BABAM2: variants seen among roughly 807,000 people sequenced by gnomAD.
BABAM2 encodes BRISC and BRCA1 A complex member 2.
A neutral mutation model predicts 54.7 loss-of-function variants in BABAM2; 31 were observed. The observed-to-expected ratio is 0.57, with a 90% CI of 0.43 to 0.77. The LOEUF (loss-of-function observed/expected upper bound fraction) is 0.77, where lower values mean the gene tolerates loss of function less well. Ranked by LOEUF, BABAM2 falls within the 30% of genes least tolerant of loss-of-function variation. BABAM2 has a pLI of 0.00. For missense variants in BABAM2, 364 were observed against 455.8 expected, an observed-to-expected ratio of 0.80 and a Z score of 1.83; for synonymous variants, 167 against 162.9, an observed-to-expected ratio of 1.03 and a Z score of -0.19.
intron 7 of BABAM2, among the ~76,000 whole-genome samples, chr2:28,234,166 A>G (rs1040885495): frequency 6.6e-6 from 1 of 152,170 alleles, no homozygotes; most frequent in Non-Finnish European, 1.5e-5. Flanking sequence ...GTGTGAACCT[A>G]GGCAGTATTT....
chr2:28,332,199 G>C (rs978669463), intron 11 of BABAM2, among the ~76,000 whole-genome samples: 3 of 152,168 alleles, frequency 2.0e-5, no homozygotes, highest in Non-Finnish European at 2.9e-5. Flanking sequence ...TGCCTGCAGG[G>C]CTTAATACGT....
chr2:27,989,211 A>T (rs1012079308), intron 4 of BABAM2, among the ~76,000 whole-genome samples: 1 of 152,084 alleles, frequency 6.6e-6, no homozygotes, highest in Non-Finnish European at 1.5e-5. Context: ...TGGAAAAAAA[A>T]ATGACACAGA....
At chr2:28,212,176 A>C (rs1679523550) in intron 7 of BABAM2, among the ~76,000 whole-genome samples, 1 of 152,222 alleles carries the variant, frequency 6.6e-6, no homozygotes, top group Non-Finnish European at 1.5e-5. Context: ...GAATAGCTTG[A>C]GATATTTGCA....
chr2:28,036,275 C>A (rs1459568891), intron 5 of BABAM2, among the ~76,000 whole-genome samples: 2 of 152,168 alleles, frequency 1.3e-5, no homozygotes, highest in Non-Finnish European at 2.9e-5. Context: ...TTCAAGTATT[C>A]TGTACGAAAA....
At chr2:28,284,709 A>G (rs1050614734) in intron 10 of BABAM2, among the ~76,000 whole-genome samples, 27 of 152,218 alleles carry the variant, frequency 1.8e-4, no homozygotes, top group Non-Finnish European at 2.6e-4. Flanking sequence ...ATAGATGGAC[A>G]AAACTAAGTT....
intron 11 of BABAM2, among the ~76,000 whole-genome samples, chr2:28,336,519 C>G (rs569135684): frequency 6.6e-6 from 1 of 152,226 alleles, no homozygotes; most frequent in Admixed American, 6.5e-5. Context: ...CTCTGTGTGA[C>G]CCCAAGGATG....
At chr2:28,335,697 G>A (rs1691387923) in intron 11 of BABAM2, among the ~76,000 whole-genome samples, 1 of 152,246 alleles carries the variant, frequency 6.6e-6, no homozygotes, top group African/African-American at 2.4e-5. Flanking sequence ...ACAGTGTGCA[G>A]GGAGATGACC....
At chr2:27,927,818 A>C (rs1341338942) in intron 2 of BABAM2, among the ~76,000 whole-genome samples, 1 of 149,278 alleles carries the variant, frequency 6.7e-6, no homozygotes. Flanking sequence ...TATGTTAAAC[A>C]TACCCTTGTT....
chr2:28,014,704 C>G (rs926068408), intron 4 of BABAM2, among the ~76,000 whole-genome samples: 4 of 144,396 alleles, frequency 2.8e-5, no homozygotes, highest in African/African-American at 1.0e-4. Flanking sequence ...CTGCATTTTA[C>G]ATGCTAAATA....
At chr2:27,951,990 A>G (rs1669763833) in intron 3 of BABAM2, among the ~76,000 whole-genome samples, 1 of 152,348 alleles carries the variant, frequency 6.6e-6, no homozygotes, top group Non-Finnish European at 1.5e-5. Context: ...GAAATCACAA[A>G]CTATAATTGT....
At chr2:28,031,397 GA>G (rs781509743) in intron 5 of BABAM2, among the ~76,000 whole-genome samples, 2 of 152,084 alleles carry the variant, frequency 1.3e-5, no homozygotes, top group Non-Finnish European at 2.9e-5. Flanking sequence ...TGCTAGCACA[GA>G]GCTTGAAAAG....
At chr2:28,108,463 T>A (rs1667719693) in intron 6 of BABAM2, among the ~76,000 whole-genome samples, 4 of 152,220 alleles carry the variant, frequency 2.6e-5, no homozygotes. Context: ...AATTGGTCTA[T>A]CTTAAACCTG....
At chr2:28,286,562 T>C (rs1686837780) in intron 10 of BABAM2, among the ~76,000 whole-genome samples, 1 of 152,170 alleles carries the variant, frequency 6.6e-6, no homozygotes, top group South Asian at 2.1e-4. Context: ...CTTAATACTT[T>C]TCCCTCTGCC....
chr2:28,249,325 G>T lies in BABAM2; in HGVS notation c.934+4463G>T, dbSNP rs72857105. On this transcript the variant is annotated intron_variant, in intron 10 of 11. Coordinates refer to ENST00000379624, the MANE Select transcript of BABAM2 (RefSeq NM_199191.3). ...GCTGATCTTGAACTCCTGGCCTCAA[G>T]CAATCTACCCGCCTAGGCCTCCCAA... 8.3e-3 allele frequency among the ~76,000 whole-genome samples: 1,261 copies of T among 152,150 alleles called. 10 individuals carry two copies. Among genetic ancestry groups the T allele is most frequent in the African/African-American group, 0.028 (1,179 of 41,508 alleles).
At chr2:28,280,646 C>T (rs967877253) in intron 10 of BABAM2, among the ~76,000 whole-genome samples, 10 of 152,328 alleles carry the variant, frequency 6.6e-5, no homozygotes, top group African/African-American at 2.2e-4. Flanking sequence ...TCACACATCC[C>T]TCCTCCTGAT....
intron 4 of BABAM2, among the ~76,000 whole-genome samples, chr2:27,988,295 A>T (rs1251286696): frequency 6.6e-6 from 1 of 152,092 alleles, no homozygotes; most frequent in East Asian, 1.9e-4. Context: ...GTTTCAGGGT[A>T]TTTCGAATTA....
chr2:28,216,839 TTC>T (rs1351515243), intron 7 of BABAM2, among the ~76,000 whole-genome samples: 2 of 152,184 alleles, frequency 1.3e-5, no homozygotes, highest in Non-Finnish European at 2.9e-5. Flanking sequence ...TGACTCTTTC[TTC>T]TCCCACCTCC....
At chr2:28,017,390 A>AT (rs1226503875) in intron 4 of BABAM2, among the ~76,000 whole-genome samples, 1 of 152,076 alleles carries the variant, frequency 6.6e-6, no homozygotes, top group East Asian at 1.9e-4. Context: ...CATTTATTTT[A>AT]TTTTTTTCTG....
intron 6 of BABAM2, among the ~76,000 whole-genome samples, chr2:28,080,995 C>T (rs1202235688): frequency 6.6e-6 from 1 of 152,200 alleles, no homozygotes; most frequent in Non-Finnish European, 1.5e-5. Flanking sequence ...ATGTATCATG[C>T]TTTCCTGTTT....
Sources: allele counts gnomAD v4.1 joint callset (sites outside exome capture counted in the v4.1 genomes callset), GRCh38; gene constraint gnomAD v4.1.1; transcripts MANE v1.5; gene names NCBI Gene and HGNC (gene_info 2026-07-23, HGNC 2026-07-21).